The following ANKRD12 variants were observed in gnomAD, a reference collection of about 807,000 sequenced individuals.
ANKRD12 encodes ankyrin repeat domain-containing protein 12.
In ANKRD12, 85 loss-of-function variants were observed where a neutral mutation model predicts 183.4. That is an observed-to-expected ratio of 0.46 (90% confidence interval 0.39 to 0.56). The LOEUF is 0.56. ANKRD12 is among the 20% of genes least tolerant of loss of function. The probability of loss-of-function intolerance (pLI) is 0.00; values close to 1 mark genes in which losing one functional copy is unlikely to be tolerated. For synonymous variants in ANKRD12, 914 were observed against 800.2 expected (o/e 1.14, Z -2.40); for missense variants, 2,405 against 2,357.1 (o/e 1.02, Z -0.42).
Position 9,195,701 on chromosome 18 carries a change from A to G in ANKRD12, c.235+3A>G. 6.2e-7 allele frequency: 1 copy of G among 1,605,266 alleles called. No homozygotes were observed. The highest frequency in any genetic ancestry group is 8.5e-7 in the Non-Finnish European group (1 of 1,176,080). ...TGAAGAACGAGATTCAGACACAGGT[A>G]GAATAATTTGCTGTTCTCTGGTAAA... On this transcript the variant is annotated splice_donor_region_variant and intron_variant, in intron 3 of 12. Coordinates refer to ENST00000262126, the MANE Select transcript of ANKRD12 (RefSeq NM_015208.5).
intron 1 of ANKRD12, among the ~76,000 whole-genome samples, chr18:9,180,437 ATAT>A (rs1207540082): frequency 6.6e-6 from 1 of 151,748 alleles, no homozygotes; most frequent in East Asian, 1.9e-4. Context: ...TTTGTGTTTT[ATAT>A]TATTATTAAT....
chr18:9,231,914 T>TTTTCCATTCCC (rs58301521), intron 8 of ANKRD12, among the ~76,000 whole-genome samples: 1 of 151,840 alleles, frequency 6.6e-6, no homozygotes, highest in Non-Finnish European at 1.5e-5. Context: ...TGGAATATCT[T>TTTTCCATTCCC]TTATTTTCAA....
chr18:9,151,279 A>T (rs1010021041), intron 1 of ANKRD12, among the ~76,000 whole-genome samples: 1 of 152,150 alleles, frequency 6.6e-6, no homozygotes, highest in Non-Finnish European at 1.5e-5. Flanking sequence ...TTAAGTAGGA[A>T]TTACTTAGTG....
intron 8 of ANKRD12, among the ~76,000 whole-genome samples, chr18:9,243,331 C>G (rs2037766329): frequency 6.6e-6 from 1 of 152,180 alleles, no homozygotes; most frequent in Non-Finnish European, 1.5e-5. Flanking sequence ...CCAGCCTCAG[C>G]TGAGATCACT....
At chr18:9,176,780 TAAAC>T (rs1320238958) in intron 1 of ANKRD12, among the ~76,000 whole-genome samples, 1 of 152,342 alleles carries the variant, frequency 6.6e-6, no homozygotes, top group African/African-American at 2.4e-5. Flanking sequence ...GCAGTGGTGT[TAAAC>T]AATATATTTT....
At chr18:9,197,665 T>A (rs987729959) in intron 3 of ANKRD12, among the ~76,000 whole-genome samples, 1 of 152,180 alleles carries the variant, frequency 6.6e-6, no homozygotes, top group Non-Finnish European at 1.5e-5. Context: ...GAGAAAAAAA[T>A]GTTACTTAAG....
Position 9,283,997 on chromosome 18 carries a change from T to C in ANKRD12, c.*2871T>C, listed in dbSNP as rs952855023. ...AAAGCAAATACCACAACAAAGCGAG[T>C]CAGGAGGAATTTTTTGGTTTCCCAG... On this transcript the variant is annotated 3_prime_UTR_variant, in exon 13 of 13. Transcript: ENST00000262126. 8 of 152,104 alleles carry C rather than the reference T, an allele frequency of 5.3e-5. No homozygotes were observed. The highest frequency in any genetic ancestry group is 2.1e-4 in the South Asian group (1 of 4,832). The allele number at this position is 152,104 out of a possible 1,614,324, so 9.4% of individuals were successfully genotyped here.
At chr18:9,237,136 AAGGG>A (rs1342130534) in intron 8 of ANKRD12, among the ~76,000 whole-genome samples, 7 of 152,212 alleles carry the variant, frequency 4.6e-5, no homozygotes, top group Admixed American at 4.6e-4. Context: ...AAGGGTTAAA[AAGGG>A]AGGTTATGCA....
intron 12 of ANKRD12, among the ~76,000 whole-genome samples, 153 bp from the exon 13 acceptor site, chr18:9,280,788 C>T (rs1242618600): frequency 7.0e-6 from 1 of 142,508 alleles, no homozygotes; most frequent in Admixed American, 7.0e-5. Flanking sequence ...GACTCTGTCT[C>T]AAAAAAAAAA....
At chr18:9,224,535 A>G (rs1021397692) in intron 8 of ANKRD12, among the ~76,000 whole-genome samples, 1 of 152,220 alleles carries the variant, frequency 6.6e-6, no homozygotes, top group African/African-American at 2.4e-5. Flanking sequence ...AAACTGCCCG[A>G]TAAAATTGGT....
intron 7 of ANKRD12, among the ~76,000 whole-genome samples, chr18:9,220,846 G>A (rs1208136004): frequency 1.3e-5 from 2 of 152,168 alleles, no homozygotes; most frequent in Non-Finnish European, 2.9e-5. Context: ...ATCAAGGACA[G>A]AGTCATAGGG....
At position 9,263,902 on chromosome 18, in the gene ANKRD12, A is replaced by C; in HGVS notation, c.5763+14A>C. ...AGTATTGAAAGGGTAAGAAATGTTT[A>C]AATTTACACTTATGCTAAAAATAAC... On this transcript the variant is annotated intron_variant, in intron 10 of 12. Transcript: ENST00000262126. 1 of 1,405,690 alleles carries C rather than the reference A, an allele frequency of 7.1e-7. No individual in the cohort carries two copies. The highest frequency in any genetic ancestry group is 2.4e-5 in the East Asian group (1 of 42,066). 87.1% of individuals were successfully genotyped at this position (1,405,690 alleles called of 1,614,324 possible).
At chr18:9,182,556 A>G (rs1208139758) in intron 2 of ANKRD12, 37 bp downstream of exon 2, 7 of 1,395,446 alleles carry the variant, frequency 5.0e-6, no homozygotes, top group African/African-American at 2.9e-5. Flanking sequence ...GACTTTTTGA[A>G]CTGGGAAAAA....
intron 10 of ANKRD12, among the ~76,000 whole-genome samples, chr18:9,265,809 G>A (rs940160825): frequency 6.6e-6 from 1 of 152,094 alleles, no homozygotes; most frequent in Non-Finnish European, 1.5e-5. Context: ...GGCTTCAGAT[G>A]ATCAAACTAC....
intron 8 of ANKRD12, among the ~76,000 whole-genome samples, chr18:9,230,728 G>A (rs556531754): frequency 1.3e-5 from 2 of 151,358 alleles, no homozygotes; most frequent in African/African-American, 2.4e-5. Flanking sequence ...GCACGATCTC[G>A]GCTTATTGCA....
At chr18:9,188,102 C>A (rs1007024704) in intron 2 of ANKRD12, among the ~76,000 whole-genome samples, 7 of 152,190 alleles carry the variant, frequency 4.6e-5, no homozygotes, top group Non-Finnish European at 1.0e-4. Flanking sequence ...GCAGAAGACA[C>A]AATTCCTAGG....
At chr18:9,229,083 A>G (rs2036889984) in intron 8 of ANKRD12, among the ~76,000 whole-genome samples, 2 of 151,980 alleles carry the variant, frequency 1.3e-5, no homozygotes, top group South Asian at 2.1e-4. Flanking sequence ...CCCTCAGTGT[A>G]TGTATGTTGG....
intron 7 of ANKRD12, among the ~76,000 whole-genome samples, chr18:9,220,187 T>G (rs2144733603): frequency 6.6e-6 from 1 of 152,366 alleles, no homozygotes; most frequent in Non-Finnish European, 1.5e-5. Context: ...TTTAAATTGT[T>G]CCTTTGATGG....
At chr18:9,178,844 T>G (rs1213695697) in intron 1 of ANKRD12, among the ~76,000 whole-genome samples, 1 of 152,190 alleles carries the variant, frequency 6.6e-6, no homozygotes, top group Non-Finnish European at 1.5e-5. Context: ...GTTTTTGTAT[T>G]TGTCATTGTA....
Sources: gnomAD v4.1 joint callset for allele counts (sites outside exome capture counted in the v4.1 genomes callset) on GRCh38, gnomAD v4.1.1 for gene constraint, MANE v1.5 for transcripts, NCBI Gene and HGNC (gene_info 2026-07-23, HGNC 2026-07-21) for gene names.